The following SACM1L variants were observed in gnomAD, a reference collection of about 807,000 sequenced individuals.
SACM1L encodes SAC1 like phosphatidylinositide phosphatase, also known as phosphatidylinositol-3-phosphatase SAC1.
A neutral mutation model predicts 89.5 loss-of-function variants in SACM1L; 32 were observed. The observed-to-expected ratio is 0.36, with a 90% CI of 0.27 to 0.48. The LOEUF is 0.48. Ranked by LOEUF, SACM1L falls within the 20% of genes least tolerant of loss-of-function variation. SACM1L has a pLI of 0.99. For missense variants in SACM1L, 543 were observed against 708.5 expected (o/e 0.77, Z 2.65); for synonymous variants, 213 against 232.8 (o/e 0.92, Z 0.77).
At position 45,714,168 on chromosome 3, in the gene SACM1L, C is replaced by T. The variant is rs527332670; in HGVS notation, c.577+89C>T. The T allele has an allele frequency of 3.8e-4, 245 of 650,740 alleles. 1 individual carries two copies. Among genetic ancestry groups the T allele is most frequent in the Non-Finnish European group, 3.7e-4 (151 of 404,036 alleles). The allele number at this position is 650,740 out of a possible 1,614,324, so 40.3% of individuals were successfully genotyped here. On this transcript the variant is annotated intron_variant, in intron 7 of 19. Transcript: ENST00000389061. ...AGATTTAGAGATAGTCTCAAATACT[C>T]CATAAGGAGAGTATTTCAGAATTAA...
chr3:45,717,714 A>AC (rs1334308139), intron 7 of SACM1L, among the ~76,000 whole-genome samples: 2 of 152,078 alleles, frequency 1.3e-5, no homozygotes, highest in Non-Finnish European at 2.9e-5. Context: ...TTTCTGTCAT[A>AC]CCCCCCTGCT....
chr3:45,716,729 G>T (rs563462291), intron 7 of SACM1L, among the ~76,000 whole-genome samples: 3 of 152,184 alleles, frequency 2.0e-5, no homozygotes, highest in African/African-American at 7.2e-5. Flanking sequence ...GAGAAATGTT[G>T]CATGTTGAGG....
intron 1 of SACM1L, among the ~76,000 whole-genome samples, chr3:45,700,175 A>G (rs1418206461): frequency 2.0e-5 from 3 of 152,200 alleles, no homozygotes; most frequent in Non-Finnish European, 4.4e-5. Flanking sequence ...TGTGCCTAAT[A>G]TAAAAAAGTG....
rs777456932 is a variant in SACM1L at position 45,689,425 on chromosome 3, C to T, written c.-41C>T. On this transcript the variant is annotated 5_prime_UTR_variant, in exon 1 of 20. Coordinates refer to ENST00000389061, the MANE Select transcript of SACM1L (RefSeq NM_014016.5). ...TTGTAGCCGAGGTGGCGGCGCGGGG[C>T]GGGGCGGGCGGAGAGAGAAGGAAGG... 79 of 1,550,180 alleles carry T rather than the reference C, an allele frequency of 5.1e-5. No individual in the cohort carries two copies. Among genetic ancestry groups the T allele is most frequent in the Non-Finnish European group, 6.1e-5 (70 of 1,147,460 alleles).
chr3:45,731,810 T>C (rs1699059914), intron 12 of SACM1L, among the ~76,000 whole-genome samples: 1 of 152,236 alleles, frequency 6.6e-6, no homozygotes, highest in Non-Finnish European at 1.5e-5. Flanking sequence ...GCATATATTT[T>C]CATGTTTATA....
intron 19 of SACM1L, among the ~76,000 whole-genome samples, chr3:45,740,784 G>GTTTTCCCATGTTCTTA (rs1699296795): frequency 6.6e-6 from 1 of 151,954 alleles, no homozygotes; most frequent in Admixed American, 6.6e-5. Flanking sequence ...TGAGCAGTAT[G>GTTTTCCCATGTTCTTA]TTTTCCCATG....
In SACM1L at chr3:45,699,814, G is replaced by A. The variant is rs1362822635; in HGVS notation, c.33-3624G>A. Among the ~76,000 whole-genome samples the A allele has an allele frequency of 4.0e-5, 6 of 151,670 alleles. No homozygotes were observed. The East Asian group carries it at 7.7e-4, about 20-fold the overall frequency. On this transcript the variant is annotated intron_variant, in intron 1 of 19. Transcript: ENST00000389061. ...TGGGATTACAGGTGTGAGCCACCGC[G>A]CCCAGCCGAGAAAAACTTTTAATTG...
chr3:45,718,495 A>C (rs79230556), intron 7 of SACM1L, among the ~76,000 whole-genome samples: 1,678 of 152,268 alleles, frequency 0.011, 28 homozygotes, highest in African/African-American at 0.037. Flanking sequence ...AATTATGATC[A>C]AATATACCTC....
At chr3:45,737,510 A>G in intron 14 of SACM1L, 73 bp from the exon 15 acceptor site, 1 of 1,412,606 alleles carries the variant, frequency 7.1e-7, no homozygotes, top group Non-Finnish European at 9.8e-7. Flanking sequence ...AAATTTGGGG[A>G]CTGCTTTTTC....
chr3:45,736,768 C>G (rs1490513958), intron 14 of SACM1L, among the ~76,000 whole-genome samples: 3 of 152,150 alleles, frequency 2.0e-5, no homozygotes, highest in African/African-American at 7.2e-5. Flanking sequence ...CCTAACCAAC[C>G]TGCAGAGAGT....
chr3:45,744,067 C>G lies in SACM1L; in HGVS notation c.*398C>G, dbSNP rs1382539751. On this transcript the variant is annotated 3_prime_UTR_variant, in exon 20 of 20. Coordinates refer to ENST00000389061, the MANE Select transcript of SACM1L (RefSeq NM_014016.5). ...TTTTGTAGCTCAGTTTCATTATTGT[C>G]ATTGTAGAAGCGGTCACTATTAGCA... is the stretch of plus-strand genomic sequence containing the variant. 1 of 157,386 alleles carries G rather than the reference C, an allele frequency of 6.4e-6. No individual in the cohort carries two copies. Among genetic ancestry groups the G allele is most frequent in the Non-Finnish European group, 1.4e-5 (1 of 71,282 alleles). 9.7% of individuals were successfully genotyped at this position (157,386 alleles called of 1,614,324 possible). A position where few individuals can be genotyped will look rare whatever the true frequency, so the allele number is the denominator to read the frequency against.
intron 1 of SACM1L, among the ~76,000 whole-genome samples, chr3:45,700,830 G>A (rs1476441238): frequency 1.3e-5 from 2 of 152,020 alleles, no homozygotes; most frequent in Non-Finnish European, 2.9e-5. Flanking sequence ...TACCACCATG[G>A]CCAGCTAATG....
intron 2 of SACM1L, among the ~76,000 whole-genome samples, chr3:45,704,812 G>T (rs998664061): frequency 6.6e-6 from 1 of 152,166 alleles, no homozygotes; most frequent in Non-Finnish European, 1.5e-5. Flanking sequence ...ACTGATGAGC[G>T]ACTGACTTGC....
intron 14 of SACM1L, chr3:45,737,331 T>G: frequency 2.0e-6 from 1 of 505,846 alleles, no homozygotes; most frequent in Non-Finnish European, 3.4e-6. Context: ...TCTCCCTGAG[T>G]ATAGTCCTGC....
chr3:45,705,284 A>G, intron 3 of SACM1L, 75 bp downstream of exon 3: 1 of 861,064 alleles, frequency 1.2e-6, no homozygotes, highest in South Asian at 1.4e-5. Context: ...TAGAGTGAGT[A>G]TACGATGAAG....
rs910179820 is a variant in SACM1L at position 45,705,799 on chromosome 3, C to T, written c.205+590C>T. Among the ~76,000 whole-genome samples the T allele has an allele frequency of 2.0e-4, 31 of 152,188 alleles. 1 individual carries two copies. Among genetic ancestry groups the T allele is most frequent in the African/African-American group, 7.2e-4 (30 of 41,432 alleles). On this transcript the variant is annotated intron_variant, in intron 3 of 19. Coordinates refer to ENST00000389061, the MANE Select transcript of SACM1L (RefSeq NM_014016.5). ...GATTACAGGCATGAGCCACCACGCCCATCCTGTAAATAAAATTTTCAATGC... is the reference window on the plus strand; with the variant it reads ...GATTACAGGCATGAGCCACCACGCCTATCCTGTAAATAAAATTTTCAATGC...
At chr3:45,743,431 T>C (rs975257827) in intron 19 of SACM1L, 102 bp from the exon 20 acceptor site, 1 of 1,181,172 alleles carries the variant, frequency 8.5e-7, no homozygotes, top group African/African-American at 1.5e-5. Context: ...CCTGTGAATG[T>C]GCTAGTAAAC....
chr3:45,697,268 C>CTTTTTTTTTTT (rs1559535250), intron 1 of SACM1L, among the ~76,000 whole-genome samples: 8 of 110,604 alleles, frequency 7.2e-5, no homozygotes, highest in East Asian at 5.1e-4. Context: ...CTTTTCTTTT[C>CTTTTTTTTTTT]CTTTTTTTTT....
At chr3:45,735,455 T>C (rs1438475308) in intron 14 of SACM1L, 82 bp downstream of exon 14, 33 of 1,362,256 alleles carry the variant, frequency 2.4e-5, no homozygotes, top group African/African-American at 5.8e-5. Context: ...ACAAAAAATA[T>C]TCACATTGCC....
Sources: allele counts gnomAD v4.1 joint callset (sites outside exome capture counted in the v4.1 genomes callset), GRCh38; gene constraint gnomAD v4.1.1; transcripts MANE v1.5; gene names NCBI Gene and HGNC (gene_info 2026-07-23, HGNC 2026-07-21).